KDM2A: variants seen among roughly 807,000 people sequenced by gnomAD.
KDM2A encodes the protein lysine demethylase 2A.
In KDM2A, 3 loss-of-function variants were observed where a neutral mutation model predicts 137.3. The observed-to-expected ratio is 0.02, with a 90% CI of 0.01 to 0.06. KDM2A has a LOEUF of 0.06. KDM2A is among the 10% of genes least tolerant of loss of function. KDM2A has a pLI of 1.00. For synonymous variants in KDM2A, 512 were observed against 541.5 expected, an observed-to-expected ratio of 0.95 and a Z score of 0.76; for missense variants, 738 against 1,510.6, an observed-to-expected ratio of 0.49 and a Z score of 8.48.
At chr11:67,191,962 T>C (rs912733860) in intron 5 of KDM2A, among the ~76,000 whole-genome samples, 2 of 152,234 alleles carry the variant, frequency 1.3e-5, no homozygotes, top group Non-Finnish European at 2.9e-5. Flanking sequence ...CCTTCTATCA[T>C]GTGCATCTTT....
chr11:67,130,161 A>G (rs913221369), intron 2 of KDM2A, among the ~76,000 whole-genome samples: 29 of 149,054 alleles, frequency 1.9e-4, no homozygotes, highest in African/African-American at 7.0e-4. Flanking sequence ...AAAGCTTTCT[A>G]AAGTTAGTGA....
intron 2 of KDM2A, among the ~76,000 whole-genome samples, chr11:67,161,282 CTG>C (rs1047280527): frequency 3.3e-5 from 5 of 152,206 alleles, no homozygotes; most frequent in South Asian, 2.1e-4. Flanking sequence ...TCATGGTAAA[CTG>C]TGACTTTTTC....
chr11:67,249,656 G>C (rs956333710), intron 16 of KDM2A, among the ~76,000 whole-genome samples: 2 of 152,172 alleles, frequency 1.3e-5, no homozygotes, highest in African/African-American at 4.8e-5. Context: ...TATTATTCAC[G>C]TGGGGGTTGG....
At chr11:67,127,293 C>A (rs1855752761) in intron 2 of KDM2A, among the ~76,000 whole-genome samples, 1 of 151,940 alleles carries the variant, frequency 6.6e-6, no homozygotes, top group South Asian at 2.1e-4. Context: ...GGCAGGCTAT[C>A]CCTGTTCGGG....
At chr11:67,238,238 G>A (rs566375671) in intron 12 of KDM2A, among the ~76,000 whole-genome samples, 1 of 152,048 alleles carries the variant, frequency 6.6e-6, no homozygotes, top group South Asian at 2.1e-4. Flanking sequence ...AAACTTACTG[G>A]GAGTGAGTTT....
At chr11:67,190,030 T>G (rs1857312237) in intron 5 of KDM2A, among the ~76,000 whole-genome samples, 1 of 152,232 alleles carries the variant, frequency 6.6e-6, no homozygotes, top group African/African-American at 2.4e-5. Context: ...AAAAGGTGGT[T>G]CTTCTTTGAA....
At chr11:67,135,128 G>C (rs555479700) in intron 2 of KDM2A, among the ~76,000 whole-genome samples, 2 of 151,774 alleles carry the variant, frequency 1.3e-5, no homozygotes, top group East Asian at 3.9e-4. Context: ...GAGTGCAATG[G>C]CGCGATCTCG....
intron 2 of KDM2A, among the ~76,000 whole-genome samples, chr11:67,167,019 A>G (rs749454804): frequency 1.3e-5 from 2 of 152,194 alleles, no homozygotes; most frequent in Admixed American, 6.5e-5. Flanking sequence ...CGGAGGTTGC[A>G]GTGAATTGAG....
chr11:67,231,103 T>C (rs887945467), intron 11 of KDM2A, among the ~76,000 whole-genome samples: 6 of 152,044 alleles, frequency 3.9e-5, no homozygotes, highest in African/African-American at 1.4e-4. Context: ...ACCACAGTCA[T>C]GCATCACTAT....
At chr11:67,122,446 C>T (rs1474405966) in intron 2 of KDM2A, among the ~76,000 whole-genome samples, 1 of 151,996 alleles carries the variant, frequency 6.6e-6, no homozygotes, top group African/African-American at 2.4e-5. Context: ...CCTGCCTCAG[C>T]CTTGCAAGTA....
At chr11:67,121,132 T>G (rs1039511051) in intron 1 of KDM2A, 102 bp from the exon 2 acceptor site, 2 of 588,796 alleles carry the variant, frequency 3.4e-6, no homozygotes, top group Non-Finnish European at 3.0e-6. Flanking sequence ...AACCTGATTT[T>G]TCAGAGAGCC....
intron 10 of KDM2A, among the ~76,000 whole-genome samples, chr11:67,224,669 T>A (rs1245384589): frequency 1.3e-5 from 2 of 151,160 alleles, no homozygotes; most frequent in Non-Finnish European, 2.9e-5. Flanking sequence ...GGTTTCACTG[T>A]GTTAGCCAGG....
In KDM2A at chr11:67,181,888, T is replaced by C; in HGVS notation, c.303T>C (p.Cys101=). 2 of 1,613,722 alleles carry C rather than the reference T, an allele frequency of 1.2e-6. No homozygotes were observed. Among genetic ancestry groups the C allele is most frequent in the African/African-American group, 1.3e-5 (1 of 75,024 alleles). ...TCACTGTGAATGATGTCAAAATGTGTGTGGGTAAGTGTCGAGCTTTTGGCC... is the reference window on the plus strand; with the variant it reads ...TCACTGTGAATGATGTCAAAATGTGCGTGGGTAAGTGTCGAGCTTTTGGCC... The part of the protein sequence containing the change: ...PDFTVNDVKM[C]VGSRRMVDVM... The change falls in exon 5 of 21, where the codon TGT becomes TGC. Residue 101 remains cysteine (C), a synonymous_variant. Coordinates refer to ENST00000529006, the MANE Select transcript of KDM2A (RefSeq NM_012308.3).
chr11:67,180,241 T>C, intron 3 of KDM2A, 24 bp downstream of exon 3: 3 of 1,608,388 alleles, frequency 1.9e-6, no homozygotes, highest in Non-Finnish European at 2.5e-6. Context: ...TGGTTCCAGC[T>C]TACAGTCCTT....
rs535672022 is a variant in KDM2A at position 67,144,182 on chromosome 11, T to C, written c.42+22824T>C. 9.9e-4 allele frequency among the ~76,000 whole-genome samples: 151 copies of C among 151,950 alleles called. 3 individuals carry two copies. Among genetic ancestry groups the C allele is most frequent in the Admixed American group, 6.9e-3 (105 of 15,228 alleles). ...CTGGTCTCAAACTCCTGATGTCACG[T>C]GATCTGCCTACCTCCCAAAGTGTTG... On this transcript the variant is annotated intron_variant, in intron 2 of 20. Coordinates refer to ENST00000529006, the MANE Select transcript of KDM2A (RefSeq NM_012308.3).
intron 2 of KDM2A, among the ~76,000 whole-genome samples, chr11:67,138,973 A>G (rs1021669670): frequency 6.6e-6 from 1 of 152,184 alleles, no homozygotes; most frequent in African/African-American, 2.4e-5. Flanking sequence ...TCGTTTCTTC[A>G]TATTTCCTGC....
chr11:67,147,442 T>G (rs1352382886), intron 2 of KDM2A, among the ~76,000 whole-genome samples: 2 of 151,358 alleles, frequency 1.3e-5, no homozygotes, highest in Non-Finnish European at 2.9e-5. Flanking sequence ...CTCAGGAGGT[T>G]AAGGCAGGAG....
At chr11:67,143,619 TTTTA>T (rs959623132) in intron 2 of KDM2A, among the ~76,000 whole-genome samples, 6 of 151,952 alleles carry the variant, frequency 3.9e-5, no homozygotes, top group African/African-American at 1.2e-4. Flanking sequence ...GTCTTTCTCT[TTTTA>T]TTTATTTATT....
intron 12 of KDM2A, chr11:67,240,228 G>A: frequency 6.5e-7 from 1 of 1,535,480 alleles, no homozygotes; most frequent in South Asian, 1.2e-5. Flanking sequence ...GGAGATTCCA[G>A]AATATTCAAG....
Sources: gnomAD v4.1 joint callset for allele counts (sites outside exome capture counted in the v4.1 genomes callset) on GRCh38, gnomAD v4.1.1 for gene constraint, MANE v1.5 for transcripts, NCBI Gene and HGNC (gene_info 2026-07-23, HGNC 2026-07-21) for gene names.